The following TBL1XR1 variants were observed in gnomAD, a reference collection of about 807,000 sequenced individuals.
The protein encoded by TBL1XR1 is TBL1X/Y related 1.
TBL1XR1 carries 5 observed loss-of-function variants against 66.9 expected under a neutral mutation model. The observed-to-expected ratio is 0.07, with a 90% CI of 0.04 to 0.16. The LOEUF is 0.16. TBL1XR1 is among the 10% of genes least tolerant of loss of function. The pLI is 1.00. For synonymous variants in TBL1XR1, 210 were observed against 206.0 expected, an observed-to-expected ratio of 1.02 and a Z score of -0.17; for missense variants, 238 against 623.2, an observed-to-expected ratio of 0.38 and a Z score of 6.58.
chr3:177,192,024 C>G (rs1003741061), intron 1 of TBL1XR1, among the ~76,000 whole-genome samples: 1 of 148,614 alleles, frequency 6.7e-6, no homozygotes, highest in African/African-American at 2.5e-5. Context: ...ACCCGGGAGG[C>G]AGAGGTTGCA....
intron 1 of TBL1XR1, among the ~76,000 whole-genome samples, chr3:177,189,138 G>A (rs766450123): frequency 6.6e-5 from 10 of 151,970 alleles, no homozygotes; most frequent in Non-Finnish European, 1.0e-4. Flanking sequence ...AACCCAGGAG[G>A]TGGAGATTGC....
chr3:177,165,173 C>T (rs1172695406), intron 1 of TBL1XR1, among the ~76,000 whole-genome samples: 1 of 152,078 alleles, frequency 6.6e-6, no homozygotes, highest in African/African-American at 2.4e-5. Context: ...ACAAAAAAAA[C>T]TCCAGGAACT....
chr3:177,160,606 G>C (rs1166669687), intron 1 of TBL1XR1, among the ~76,000 whole-genome samples: 1 of 151,960 alleles, frequency 6.6e-6, no homozygotes, highest in Non-Finnish European at 1.5e-5. Context: ...TGGGTTTGAT[G>C]GGATACTTCC....
chr3:177,079,150 G>A (rs1287316414), intron 2 of TBL1XR1, among the ~76,000 whole-genome samples: 2 of 151,910 alleles, frequency 1.3e-5, no homozygotes, highest in Non-Finnish European at 2.9e-5. Context: ...AAAAAATGTC[G>A]GCCGGGTGCG....
chr3:177,168,031 T>C (rs568225170), intron 1 of TBL1XR1, among the ~76,000 whole-genome samples: 3 of 152,302 alleles, frequency 2.0e-5, no homozygotes, highest in East Asian at 1.9e-4. Flanking sequence ...AAATAATAAA[T>C]GGGAAACAAC....
At chr3:177,151,109 G>A (rs183446718) in intron 1 of TBL1XR1, among the ~76,000 whole-genome samples, 9 of 152,286 alleles carry the variant, frequency 5.9e-5, no homozygotes, top group Admixed American at 3.3e-4. Context: ...AGATAGCACC[G>A]CTGTGGTGAA....
chr3:177,100,335 T>C (rs186332356), intron 1 of TBL1XR1, among the ~76,000 whole-genome samples: 1 of 152,370 alleles, frequency 6.6e-6, no homozygotes, highest in East Asian at 1.9e-4. Context: ...ACATTCTTAA[T>C]GTCTTAATGA....
chr3:177,113,859 A>C (rs753428242), intron 1 of TBL1XR1, among the ~76,000 whole-genome samples: 1 of 152,160 alleles, frequency 6.6e-6, no homozygotes, highest in Non-Finnish European at 1.5e-5. Flanking sequence ...ACAAAAGACA[A>C]CAAGTGCTGC....
chr3:177,198,438 C>G (rs1039844247), upstream of TBL1XR1, among the ~76,000 whole-genome samples: 1 of 152,144 alleles, frequency 6.6e-6, no homozygotes, highest in Non-Finnish European at 1.5e-5. Flanking sequence ...GAAGTTTATC[C>G]ACTTTGTGTA....
chr3:177,083,057 G>A (rs1037886209), intron 2 of TBL1XR1, among the ~76,000 whole-genome samples: 2 of 151,680 alleles, frequency 1.3e-5, no homozygotes, highest in African/African-American at 2.4e-5. Flanking sequence ...ATCCAATCTC[G>A]CTAATAATTC....
chr3:177,163,460 G>C (rs1577354060), intron 1 of TBL1XR1, among the ~76,000 whole-genome samples: 2 of 151,624 alleles, frequency 1.3e-5, no homozygotes, highest in East Asian at 3.9e-4. Context: ...AGTGAGCCAA[G>C]ATCATGCCAT....
At chr3:177,191,462 T>A (rs1362215568) in intron 1 of TBL1XR1, among the ~76,000 whole-genome samples, 1 of 152,236 alleles carries the variant, frequency 6.6e-6, no homozygotes. Context: ...TACCTGAGCC[T>A]CAATTTTCTC....
intron 1 of TBL1XR1, chr3:177,195,711 G>C (rs918927751): frequency 6.6e-6 from 1 of 151,602 alleles, no homozygotes; most frequent in Non-Finnish European, 1.5e-5. Context: ...TATGAGGTGG[G>C]GGGTAGAGCA....
chr3:177,181,789 C>G (rs564501394), intron 1 of TBL1XR1, among the ~76,000 whole-genome samples: 1 of 150,456 alleles, frequency 6.6e-6, no homozygotes, highest in East Asian at 1.9e-4. Flanking sequence ...GAATCATATG[C>G]CAGTATCAGG....
chr3:177,052,229 G>A lies in TBL1XR1; in HGVS notation c.205-503C>T, dbSNP rs145346760. 2.7e-3 allele frequency among the ~76,000 whole-genome samples: 413 copies of A among 152,320 alleles called. 1 individual carries two copies. The highest frequency in any genetic ancestry group is 9.5e-3 in the African/African-American group (394 of 41,570). On this transcript the variant is annotated intron_variant, in intron 4 of 15. Transcript: ENST00000457928. ...GGCTATAGTGCTCTTGAATATTAGG[G>A]AGTTATTAAAATTTCCAAAGCTCTA...
intron 2 of TBL1XR1, among the ~76,000 whole-genome samples, chr3:177,088,980 T>C (rs1324661236): frequency 2.0e-5 from 3 of 152,158 alleles, no homozygotes; most frequent in Non-Finnish European, 4.4e-5. Context: ...CATTTATAAG[T>C]AGGTAATAAT....
rs1433945697 is a variant in TBL1XR1 at position 177,038,587 on chromosome 3, T to TAA, written c.926-155_926-154dup. The TAA allele has an allele frequency of 4.1e-5, 29 of 705,940 alleles. No homozygotes were observed. The African/African-American group carries it at 5.1e-4, about 12-fold the overall frequency. The allele number at this position is 705,940 out of a possible 1,614,324, so 43.7% of individuals were successfully genotyped here. A position where few individuals can be genotyped will look rare whatever the true frequency, so the allele number is the denominator to read the frequency against. On this transcript the variant is annotated intron_variant, in intron 10 of 15. Transcript: ENST00000457928. ...TTAAGATATTAAGAAAAAATTAAAA[T>TAA]AAAAGTATCTATATACAACAATATT... is the stretch of plus-strand genomic sequence containing the variant.
chr3:177,173,697 G>A (rs534215188), intron 1 of TBL1XR1, among the ~76,000 whole-genome samples: 3 of 152,192 alleles, frequency 2.0e-5, no homozygotes, highest in East Asian at 3.9e-4. Context: ...GGAAAAAACC[G>A]GAGAAATCCA....
rs1365301828 is a variant in TBL1XR1 at position 177,111,452 on chromosome 3, T to C, written c.-121-12911A>G. 2.6e-5 allele frequency among the ~76,000 whole-genome samples: 4 copies of C among 152,044 alleles called. No individual in the cohort carries two copies. The East Asian group carries it at 7.7e-4, about 29-fold the overall frequency. ...CATGCCAGGCTAATTTGGGTATTTT[T>C]AGTAGAGACAAAATAGCTGGGAGGA... On this transcript the variant is annotated intron_variant, in intron 1 of 15. Coordinates refer to ENST00000457928, the MANE Select transcript of TBL1XR1 (RefSeq NM_024665.7).
Sources: gnomAD v4.1 joint callset for allele counts (sites outside exome capture counted in the v4.1 genomes callset) on GRCh38, gnomAD v4.1.1 for gene constraint, MANE v1.5 for transcripts, NCBI Gene and HGNC (gene_info 2026-07-23, HGNC 2026-07-21) for gene names.